The following BRINP3 variants were observed in gnomAD, a reference collection of about 807,000 sequenced individuals.
The protein encoded by BRINP3 is BMP/retinoic acid inducible neural specific 3.
BRINP3 carries 19 observed loss-of-function variants against 71.0 expected under a neutral mutation model. The ratio of observed to expected loss-of-function variants is 0.27; its 90% confidence interval spans 0.19 to 0.39. The LOEUF (loss-of-function observed/expected upper bound fraction) is 0.39. BRINP3 is among the 10% of genes least tolerant of loss of function. BRINP3 has a pLI of 1.00. For synonymous variants in BRINP3, 380 were observed against 337.7 expected (o/e 1.13, Z -1.37); for missense variants, 959 against 940.8 (o/e 1.02, Z -0.25).
intron 2 of BRINP3, among the ~76,000 whole-genome samples, chr1:190,373,690 C>G (rs1472302286): frequency 1.3e-5 from 2 of 151,664 alleles, no homozygotes; most frequent in African/African-American, 4.8e-5. Flanking sequence ...TGTCAACATT[C>G]CCAGTTGAGG....
chr1:190,333,706 C>A (rs538766900), intron 2 of BRINP3, among the ~76,000 whole-genome samples: 2 of 151,940 alleles, frequency 1.3e-5, no homozygotes, highest in East Asian at 3.9e-4. Context: ...GTAGAAATTA[C>A]CTTAACAACA....
At chr1:190,146,511 C>T (rs746244561) in intron 7 of BRINP3, among the ~76,000 whole-genome samples, 6 of 152,040 alleles carry the variant, frequency 3.9e-5, no homozygotes, top group Middle Eastern at 3.2e-3. Flanking sequence ...ATCATCACCA[C>T]CATTACTATC....
At chr1:190,272,798 A>G (rs1481549789) in intron 3 of BRINP3, among the ~76,000 whole-genome samples, 1 of 151,502 alleles carries the variant, frequency 6.6e-6, no homozygotes, top group Non-Finnish European at 1.5e-5. Flanking sequence ...TAATCCATGT[A>G]TACAAAAGCT....
intron 7 of BRINP3, among the ~76,000 whole-genome samples, chr1:190,118,051 C>A (rs530231569): frequency 1.6e-4 from 24 of 151,894 alleles, no homozygotes; most frequent in African/African-American, 5.8e-4. Flanking sequence ...TGTTTTTGGG[C>A]AAAGGGTACA....
At chr1:190,409,967 G>T (rs1252244974) in intron 2 of BRINP3, among the ~76,000 whole-genome samples, 4 of 152,054 alleles carry the variant, frequency 2.6e-5, no homozygotes, top group African/African-American at 9.7e-5. Context: ...GCAAGAAAAT[G>T]GCAAGAATTG....
At chr1:190,319,011 G>C (rs1342549385) in intron 2 of BRINP3, among the ~76,000 whole-genome samples, 1 of 151,976 alleles carries the variant, frequency 6.6e-6, no homozygotes, top group Non-Finnish European at 1.5e-5. Context: ...ATGAGTGAAA[G>C]CTAATAACAG....
chr1:190,424,021 C>T (rs1673544227), intron 2 of BRINP3, among the ~76,000 whole-genome samples: 1 of 151,610 alleles, frequency 6.6e-6, no homozygotes, highest in African/African-American at 2.4e-5. Context: ...GGGAGTTCCA[C>T]ACATGGGACT....
At chr1:190,185,507 G>T (rs1653434410) in intron 6 of BRINP3, among the ~76,000 whole-genome samples, 1 of 152,068 alleles carries the variant, frequency 6.6e-6, no homozygotes. Context: ...GAATCTCTTA[G>T]ATATTATCAT....
chr1:190,452,031 G>T (rs1675642503), intron 2 of BRINP3, among the ~76,000 whole-genome samples: 4 of 152,276 alleles, frequency 2.6e-5, no homozygotes, highest in African/African-American at 9.6e-5. Flanking sequence ...GTAGAACTGG[G>T]CTGATCACTT....
intron 2 of BRINP3, among the ~76,000 whole-genome samples, chr1:190,315,451 C>G (rs1665818060): frequency 6.6e-6 from 1 of 152,136 alleles, no homozygotes; most frequent in Admixed American, 6.6e-5. Flanking sequence ...TAACACCAGA[C>G]AACTAATTTC....
Position 190,477,828 on chromosome 1 carries a change from G to A in BRINP3, c.-431C>T, listed in dbSNP as rs1224613856. ...ATAAATCTGCAAAGAGAAGTAAAAG[G>A]ATGTGTTGAAGACAACGAGATAAAG... On this transcript the variant is annotated 5_prime_UTR_variant, in exon 1 of 8. Coordinates refer to ENST00000367462, the MANE Select transcript of BRINP3 (RefSeq NM_199051.3). 2 of 152,220 alleles carry A rather than the reference G, an allele frequency of 1.3e-5. No individual in the cohort carries two copies. The highest frequency in any genetic ancestry group is 4.8e-5 in the African/African-American group (2 of 41,412). 9.4% of individuals were successfully genotyped at this position (152,220 alleles called of 1,614,324 possible).
intron 7 of BRINP3, among the ~76,000 whole-genome samples, chr1:190,113,206 T>G (rs923346560): frequency 5.9e-5 from 9 of 152,124 alleles, no homozygotes; most frequent in African/African-American, 1.9e-4. Flanking sequence ...ATGTACTAAT[T>G]ATTCTTCTTC....
intron 2 of BRINP3, among the ~76,000 whole-genome samples, chr1:190,339,775 A>C (rs974294836): frequency 6.6e-6 from 1 of 151,928 alleles, no homozygotes; most frequent in African/African-American, 2.4e-5. Flanking sequence ...GTGTGTTTTG[A>C]GTTCTTCATA....
At chr1:190,424,006 T>G (rs538331820) in intron 2 of BRINP3, among the ~76,000 whole-genome samples, 2 of 151,734 alleles carry the variant, frequency 1.3e-5, no homozygotes, top group Non-Finnish European at 3.0e-5. Flanking sequence ...CACTTCCTAG[T>G]TGATGGGAGT....
intron 2 of BRINP3, among the ~76,000 whole-genome samples, chr1:190,400,565 A>G (rs1198436292): frequency 6.6e-6 from 1 of 152,172 alleles, no homozygotes; most frequent in African/African-American, 2.4e-5. Context: ...AATCACTTAC[A>G]TGTGATTGGT....
In BRINP3 at chr1:190,297,313, TATTCATAAGTGAAGGATTAAA is replaced by T. The variant is rs1331898370; in HGVS notation, c.237-15584_237-15564del. On this transcript the variant is annotated intron_variant, in intron 2 of 7. Transcript: ENST00000367462. ...AATAAACAGTGTTGAGAAAACTGGA[TATTCATAAGTGAAGGATTAAA>T]ATTGGACCTTTGTCTCATACAATAC... is the stretch of plus-strand genomic sequence containing the variant. Among the ~76,000 whole-genome samples, 10 of 152,090 alleles carry T rather than the reference TATTCATAAGTGAAGGATTAAA, an allele frequency of 6.6e-5. 1 individual carries two copies. Among genetic ancestry groups the T allele is most frequent in the African/African-American group, 2.2e-4 (9 of 41,506 alleles).
chr1:190,307,285 T>C (rs1665184030), intron 2 of BRINP3, among the ~76,000 whole-genome samples: 2 of 108,206 alleles, frequency 1.8e-5, no homozygotes, highest in Non-Finnish European at 2.0e-5. Flanking sequence ...TTTTTTTTTT[T>C]TGAGACAGAG....
chr1:190,454,231 A>T (rs569234533), intron 2 of BRINP3, among the ~76,000 whole-genome samples: 2 of 152,324 alleles, frequency 1.3e-5, no homozygotes, highest in East Asian at 3.9e-4. Context: ...CAGGTAAAAA[A>T]GGATGAGGTG....
At chr1:190,471,748 A>G (rs1677152663) in intron 1 of BRINP3, among the ~76,000 whole-genome samples, 1 of 151,482 alleles carries the variant, frequency 6.6e-6, no homozygotes, top group African/African-American at 2.4e-5. Context: ...TAAATCTGCT[A>G]AGAAATCAGA....
Sources: allele counts gnomAD v4.1 joint callset (sites outside exome capture counted in the v4.1 genomes callset), GRCh38; gene constraint gnomAD v4.1.1; transcripts MANE v1.5; gene names NCBI Gene and HGNC (gene_info 2026-07-23, HGNC 2026-07-21).